The following DPYD variants were observed in gnomAD, a reference collection of about 807,000 sequenced individuals.
The protein encoded by DPYD is dihydropyrimidine dehydrogenase, also known as dihydropyrimidine dehydrogenase [NADP(+)].
DPYD carries 109 observed loss-of-function variants against 116.2 expected under a neutral mutation model. The ratio of observed to expected loss-of-function variants is 0.94; its 90% CI spans 0.80 to 1.10. The LOEUF is 1.10. Ranked by LOEUF, DPYD falls within the 50% of genes least tolerant of loss-of-function variation. DPYD has a pLI of 0.00. For synonymous variants in DPYD, 440 were observed against 432.0 expected, an observed-to-expected ratio of 1.02 and a Z score of -0.23; for missense variants, 1,302 against 1,254.5, an observed-to-expected ratio of 1.04 and a Z score of -0.57.
At chr1:97,371,867 C>A (rs1238190184) in intron 16 of DPYD, among the ~76,000 whole-genome samples, 1 of 151,956 alleles carries the variant, frequency 6.6e-6, no homozygotes, top group Admixed American at 6.6e-5. Flanking sequence ...TTTTTTCAGC[C>A]AAGATATCAT....
intron 8 of DPYD, among the ~76,000 whole-genome samples, chr1:97,656,818 ATTTTTTT>A (rs200525025): frequency 7.0e-6 from 1 of 143,870 alleles, no homozygotes; most frequent in Non-Finnish European, 1.5e-5. Flanking sequence ...GGAATTTTTT[ATTTTTTT>A]TTTTTTCAAA....
intron 3 of DPYD, among the ~76,000 whole-genome samples, chr1:97,774,450 G>A (rs936176646): frequency 2.6e-5 from 4 of 152,178 alleles, no homozygotes; most frequent in African/African-American, 9.7e-5. Context: ...CTGTGGCAAT[G>A]TTACTAGGTA....
intron 21 of DPYD, 120 bp downstream of exon 21, chr1:97,098,369 T>G (rs901963323): frequency 4.9e-6 from 6 of 1,234,060 alleles, no homozygotes; most frequent in Non-Finnish European, 5.7e-6. Context: ...TTTTTAAAAC[T>G]TTCATTATAA....
intron 18 of DPYD, among the ~76,000 whole-genome samples, chr1:97,283,621 A>G (rs1020439351): frequency 5.9e-5 from 9 of 152,170 alleles, no homozygotes; most frequent in African/African-American, 2.2e-4. Context: ...AATTTAATAT[A>G]ACTCAATTTG....
At chr1:97,823,490 A>G (rs1371859239) in intron 3 of DPYD, among the ~76,000 whole-genome samples, 1 of 150,994 alleles carries the variant, frequency 6.6e-6, no homozygotes. Flanking sequence ...CCCCATTTCC[A>G]CTCCACACTA....
intron 8 of DPYD, among the ~76,000 whole-genome samples, chr1:97,627,921 C>A (rs1243340939): frequency 1.3e-5 from 2 of 151,922 alleles, no homozygotes; most frequent in Admixed American, 1.3e-4. Flanking sequence ...TTGAGCCATG[C>A]TAAAGACTTT....
intron 8 of DPYD, among the ~76,000 whole-genome samples, chr1:97,627,599 C>A (rs1010950931): frequency 1.3e-5 from 2 of 151,994 alleles, no homozygotes; most frequent in East Asian, 3.9e-4. Flanking sequence ...TATTAGGATG[C>A]CTTTATCTTA....
At chr1:97,176,252 C>T (rs1657249571) in intron 20 of DPYD, among the ~76,000 whole-genome samples, 1 of 152,194 alleles carries the variant, frequency 6.6e-6, no homozygotes, top group South Asian at 2.1e-4. Context: ...CTGATGCCTG[C>T]CATCATCAGC....
At chr1:97,678,999 A>G (rs1427041873) in intron 8 of DPYD, 96 bp downstream of exon 8, 1 of 553,470 alleles carries the variant, frequency 1.8e-6, no homozygotes, top group Non-Finnish European at 3.1e-6. Context: ...TATAACTTTC[A>G]TCACGAAAAT....
chr1:97,661,323 G>C (rs1286412609), intron 8 of DPYD, among the ~76,000 whole-genome samples: 1 of 152,076 alleles, frequency 6.6e-6, no homozygotes, highest in East Asian at 1.9e-4. Flanking sequence ...TTTCTTGTGT[G>C]TATACCAATT....
chr1:97,403,242 A>G (rs1387343684), intron 14 of DPYD, among the ~76,000 whole-genome samples: 1 of 152,090 alleles, frequency 6.6e-6, no homozygotes, highest in Admixed American at 6.6e-5. Flanking sequence ...GAGATTTTCA[A>G]CTTACAATGA....
At chr1:97,361,068 AAAG>A (rs550596220) in intron 16 of DPYD, among the ~76,000 whole-genome samples, 1,969 of 152,220 alleles carry the variant, frequency 0.013, 21 homozygotes, top group South Asian at 0.022. Flanking sequence ...CAAGACTAAT[AAAG>A]AAGAAGAGAG....
chr1:97,914,428 T>A (rs529742131), intron 1 of DPYD, among the ~76,000 whole-genome samples: 3 of 152,322 alleles, frequency 2.0e-5, no homozygotes, highest in African/African-American at 7.2e-5. Flanking sequence ...TATGTAGGAA[T>A]TTCTTTTCAG....
At chr1:97,327,747 C>T (rs892647974) in intron 16 of DPYD, among the ~76,000 whole-genome samples, 1 of 151,698 alleles carries the variant, frequency 6.6e-6, no homozygotes, top group South Asian at 2.1e-4. Context: ...TAGATACACC[C>T]TATTTTACTT....
At position 97,514,130 on chromosome 1, in the gene DPYD, T is replaced by A. The variant is rs1276941156; in HGVS notation, c.1740+1596A>T. 6.2e-5 allele frequency: 55 copies of A among 884,028 alleles called. 1 individual carries two copies. The allele number at this position is 884,028 out of a possible 1,614,324, so 54.8% of individuals were successfully genotyped here. ...GAACCAGCATCACACACTTCTAAATTGATAGATTAAATTCAAATTGGAGGT... is the reference window on the plus strand; with the variant it reads ...GAACCAGCATCACACACTTCTAAATAGATAGATTAAATTCAAATTGGAGGT... On this transcript the variant is annotated intron_variant, in intron 13 of 22. Coordinates refer to ENST00000370192, the MANE Select transcript of DPYD (RefSeq NM_000110.4).
At chr1:97,670,762 C>T (rs1014435352) in intron 8 of DPYD, among the ~76,000 whole-genome samples, 1 of 152,094 alleles carries the variant, frequency 6.6e-6, no homozygotes, top group Non-Finnish European at 1.5e-5. Context: ...AGTTGAAAGA[C>T]AACATTTTTC....
At chr1:97,108,842 G>T (rs1651371038) in intron 20 of DPYD, among the ~76,000 whole-genome samples, 2 of 151,940 alleles carry the variant, frequency 1.3e-5, no homozygotes, top group Non-Finnish European at 2.9e-5. Context: ...TATTAGAAGT[G>T]AATATAAATG....
rs1043631606 is a variant in DPYD at position 97,636,041 on chromosome 1, G to A, written c.851-40875C>T. On this transcript the variant is annotated intron_variant, in intron 8 of 22. Transcript: ENST00000370192. The stretch of plus-strand genomic sequence containing the variant: ...TCGCCATATTGCTCAGGCTGGTCTC[G>A]AACTCCTGGACTCAAGCTATCCACC... Among the ~76,000 whole-genome samples the A allele has an allele frequency of 4.0e-5, 6 of 151,860 alleles. No individual in the cohort carries two copies. The East Asian group carries it at 1.2e-3, about 30-fold the overall frequency.
intron 16 of DPYD, among the ~76,000 whole-genome samples, chr1:97,349,988 A>G (rs1431818985): frequency 2.0e-5 from 3 of 150,992 alleles, no homozygotes; most frequent in African/African-American, 4.9e-5. Context: ...GAGAAATGCT[A>G]TGTAAGCAAA....
Sources: gnomAD v4.1 joint callset for allele counts (sites outside exome capture counted in the v4.1 genomes callset) on GRCh38, gnomAD v4.1.1 for gene constraint, MANE v1.5 for transcripts, NCBI Gene and HGNC (gene_info 2026-07-23, HGNC 2026-07-21) for gene names.